Variants in STPG2 observed in about 807,000 individuals in gnomAD.
STPG2 encodes the protein sperm tail PG-rich repeat containing 2, also known as sperm-tail PG-rich repeat-containing protein 2.
A neutral mutation model predicts 54.2 loss-of-function variants in STPG2; 56 were observed. The observed-to-expected ratio is 1.03, with a 90% CI of 0.83 to 1.29. STPG2 has a LOEUF of 1.29. STPG2 is among the 50% of genes most tolerant of loss of function. The probability of loss-of-function intolerance (pLI) is 0.00; values close to 1 mark genes in which losing one functional copy is unlikely to be tolerated. For missense variants in STPG2, 596 were observed against 544.9 expected (o/e 1.09, Z -0.93); for synonymous variants, 200 against 181.8 (o/e 1.10, Z -0.81).
intron 9 of STPG2, among the ~76,000 whole-genome samples, chr4:97,802,459 T>C (rs1191024003): frequency 6.6e-6 from 1 of 152,102 alleles, no homozygotes. Flanking sequence ...TAAATATACA[T>C]ATATATATGA....
intron 9 of STPG2, among the ~76,000 whole-genome samples, chr4:97,756,564 G>C (rs1392832682): frequency 6.6e-6 from 1 of 152,054 alleles, no homozygotes; most frequent in Admixed American, 6.6e-5. Flanking sequence ...GACCTCAGGT[G>C]ATCCACCTGC....
chr4:97,901,699 A>T (rs774928542), intron 8 of STPG2, among the ~76,000 whole-genome samples: 1 of 151,946 alleles, frequency 6.6e-6, no homozygotes, highest in Non-Finnish European at 1.5e-5. Flanking sequence ...AAGATACCCT[A>T]TATTCATGAA....
At chr4:97,830,772 A>G (rs1317048367) in intron 9 of STPG2, among the ~76,000 whole-genome samples, 1 of 152,212 alleles carries the variant, frequency 6.6e-6, no homozygotes, top group East Asian at 1.9e-4. Flanking sequence ...CAAAAGAGAC[A>G]AAGAGGGTAT....
At chr4:97,801,773 T>G (rs1247458177) in intron 9 of STPG2, among the ~76,000 whole-genome samples, 1 of 152,146 alleles carries the variant, frequency 6.6e-6, no homozygotes, top group Non-Finnish European at 1.5e-5. Context: ...CATGACCCAT[T>G]CTCAGTTTTG....
chr4:97,825,728 T>C (rs1728232032), intron 9 of STPG2, among the ~76,000 whole-genome samples: 1 of 152,166 alleles, frequency 6.6e-6, no homozygotes, highest in Non-Finnish European at 1.5e-5. Flanking sequence ...ATATATTGTG[T>C]ATGTGAAATA....
At chr4:97,611,756 T>C (rs1167057484) in intron 10 of STPG2, among the ~76,000 whole-genome samples, 6 of 151,844 alleles carry the variant, frequency 4.0e-5, no homozygotes, top group Non-Finnish European at 8.8e-5. Flanking sequence ...GACTATTAAT[T>C]ATTTATTACC....
At chr4:98,139,608 C>T (rs1171801154) in intron 1 of STPG2, among the ~76,000 whole-genome samples, 1 of 152,062 alleles carries the variant, frequency 6.6e-6, no homozygotes, top group Non-Finnish European at 1.5e-5. Context: ...TTCAGAGAAT[C>T]CAGCAGAGAA....
At chr4:97,635,052 G>C (rs1283699625) in intron 10 of STPG2, among the ~76,000 whole-genome samples, 1 of 151,998 alleles carries the variant, frequency 6.6e-6, no homozygotes, top group East Asian at 1.9e-4. Context: ...ATTCACCAAA[G>C]TTGAAATGAA....
chr4:97,717,427 G>A lies in STPG2; in HGVS notation c.1205-4613C>T, dbSNP rs372012754. Among the ~76,000 whole-genome samples, 19 of 152,170 alleles carry A rather than the reference G, an allele frequency of 1.2e-4. No homozygotes were observed. The East Asian group carries it at 3.3e-3, about 26-fold the overall frequency. ...AGTAGACTGAGAAATTCATCTCCTG[G>A]CATCTACCTAAAGCATGCACCTGTT... is the stretch of plus-strand genomic sequence containing the variant. On this transcript the variant is annotated intron_variant, in intron 9 of 10. Coordinates refer to ENST00000295268, the MANE Select transcript of STPG2 (RefSeq NM_174952.3).
intron 8 of STPG2, among the ~76,000 whole-genome samples, chr4:97,908,251 A>C (rs10132485): frequency 1.2e-4 from 18 of 152,276 alleles, no homozygotes; most frequent in African/African-American, 3.9e-4. Context: ...GCAGCCAAAA[A>C]ACACATGAAA....
intron 9 of STPG2, among the ~76,000 whole-genome samples, chr4:97,732,428 A>G (rs575125080): frequency 1.3e-5 from 2 of 152,314 alleles, no homozygotes; most frequent in Non-Finnish European, 2.9e-5. Context: ...CCAGCACACC[A>G]TTTATTAAAT....
chr4:97,706,600 CA>C (rs1209983608), intron 10 of STPG2, among the ~76,000 whole-genome samples: 2 of 152,132 alleles, frequency 1.3e-5, no homozygotes, highest in African/African-American at 4.8e-5. Context: ...CAGCCAAAAC[CA>C]ACTCAGACAT....
At chr4:97,999,523 C>T (rs1382053702) in intron 5 of STPG2, among the ~76,000 whole-genome samples, 3 of 151,916 alleles carry the variant, frequency 2.0e-5, no homozygotes, top group Admixed American at 6.6e-5. Context: ...GCCAACATGG[C>T]AAAACCCCAT....
At chr4:97,720,543 C>A (rs1724417302) in intron 9 of STPG2, among the ~76,000 whole-genome samples, 1 of 151,922 alleles carries the variant, frequency 6.6e-6, no homozygotes, top group Non-Finnish European at 1.5e-5. Flanking sequence ...AATCAAATGA[C>A]AATGTTATGC....
At chr4:97,691,975 A>G (rs1212109040) in intron 10 of STPG2, among the ~76,000 whole-genome samples, 7 of 152,202 alleles carry the variant, frequency 4.6e-5, no homozygotes, top group Admixed American at 4.6e-4. Flanking sequence ...TCCCTGGGGA[A>G]AGGAAAGAGC....
intron 4 of STPG2, among the ~76,000 whole-genome samples, chr4:97,457,483 A>C (rs1330850705): frequency 6.6e-6 from 1 of 152,206 alleles, no homozygotes; most frequent in Admixed American, 6.5e-5. Context: ...ATTCCCCTTT[A>C]GCCAAGCAAA....
At chr4:97,860,086 G>C (rs147040909) in intron 8 of STPG2, among the ~76,000 whole-genome samples, 1 of 152,226 alleles carries the variant, frequency 6.6e-6, no homozygotes, top group South Asian at 2.1e-4. Context: ...ATTGGTCTAC[G>C]TGCCAATTTG....
intron 4 of STPG2, among the ~76,000 whole-genome samples, chr4:97,505,946 C>T (rs1353222610): frequency 7.1e-6 from 1 of 141,324 alleles, no homozygotes; most frequent in African/African-American, 2.7e-5. Context: ...AATTGACTAG[C>T]TACTATTGTT....
chr4:97,747,199 C>T (rs1270031024), intron 9 of STPG2, among the ~76,000 whole-genome samples: 1 of 151,236 alleles, frequency 6.6e-6, no homozygotes, highest in Non-Finnish European at 1.5e-5. Context: ...ATCATGTCAA[C>T]CAACCAACAG....
Sources: allele counts gnomAD v4.1 joint callset (sites outside exome capture counted in the v4.1 genomes callset), GRCh38; gene constraint gnomAD v4.1.1; transcripts MANE v1.5; gene names NCBI Gene and HGNC (gene_info 2026-07-23, HGNC 2026-07-21).